Variants in MAF observed in about 807,000 individuals in gnomAD.
MAF encodes the protein transcription factor Maf.
MAF carries 10 observed loss-of-function variants against 22.0 expected under a neutral mutation model. That is an observed-to-expected ratio of 0.45 (90% CI 0.28 to 0.77). The LOEUF (loss-of-function observed/expected upper bound fraction) is 0.77. MAF is among the 30% of genes least tolerant of loss of function. The pLI, the probability that MAF is intolerant of heterozygous loss-of-function variation, is 0.12. For synonymous variants in MAF, 337 were observed against 255.8 expected, an observed-to-expected ratio of 1.32 and a Z score of -3.03; for missense variants, 544 against 548.4, an observed-to-expected ratio of 0.99 and a Z score of 0.08.
At chr16:79,595,579 A>G in intron 1 of MAF, 1 of 1,059,722 alleles carries the variant, frequency 9.4e-7, no homozygotes, top group Non-Finnish European at 1.1e-6. Flanking sequence ...AATTTGTGTC[A>G]TTTAAAAATA....
the MAF span, among the ~76,000 whole-genome samples, chr16:79,412,999 C>T: frequency 1.3e-5 from 2 of 152,166 alleles, no homozygotes; most frequent in African/African-American, 2.4e-5. Flanking sequence ...CCTGTAAAAA[C>T]ACAAGTGACA....
chr16:79,414,532 G>A, the MAF span, among the ~76,000 whole-genome samples: 10 of 152,250 alleles, frequency 6.6e-5, no homozygotes, highest in South Asian at 2.1e-4. Context: ...CTGTCACCAG[G>A]CCCCACCTCC....
the MAF span, among the ~76,000 whole-genome samples, chr16:79,208,730 T>C: frequency 1.3e-5 from 2 of 152,170 alleles, no homozygotes. Flanking sequence ...CTTATTCTGA[T>C]GATATGTAGG....
chr16:79,426,154 C>T, the MAF span, among the ~76,000 whole-genome samples: 2 of 151,240 alleles, frequency 1.3e-5, no homozygotes, highest in African/African-American at 2.4e-5. Flanking sequence ...TATAGGGAGC[C>T]GAGATCGTGC....
chr16:79,509,583 G>C, the MAF span, among the ~76,000 whole-genome samples: 1 of 152,238 alleles, frequency 6.6e-6, no homozygotes, highest in Non-Finnish European at 1.5e-5. Context: ...TTCCTGGCTG[G>C]AGAGGGCCGG....
chr16:79,384,181 C>T, the MAF span, among the ~76,000 whole-genome samples: 3 of 152,112 alleles, frequency 2.0e-5, no homozygotes, highest in South Asian at 2.1e-4. Context: ...TGGTGACTCA[C>T]GCTTGTAATC....
At chr16:79,292,087 T>C in the MAF span, among the ~76,000 whole-genome samples, 1,097 of 152,086 alleles carry the variant, frequency 7.2e-3, 10 homozygotes, top group Non-Finnish European at 0.012. Context: ...AAGAAGACAC[T>C]GGGACAAGGT....
the MAF span, among the ~76,000 whole-genome samples, chr16:79,243,026 G>A: frequency 6.6e-6 from 1 of 152,066 alleles, no homozygotes; most frequent in South Asian, 2.1e-4. Flanking sequence ...CAAAGTACCA[G>A]AGTCTCTGGG....
At chr16:79,419,114 C>A in the MAF span, among the ~76,000 whole-genome samples, 1 of 152,144 alleles carries the variant, frequency 6.6e-6, no homozygotes, top group Admixed American at 6.5e-5. Context: ...ATTAACTTCC[C>A]CCCTCAGGAA....
chr16:79,479,562 C>G, the MAF span, among the ~76,000 whole-genome samples: 3 of 152,218 alleles, frequency 2.0e-5, no homozygotes, highest in East Asian at 5.8e-4. Context: ...TCCCTGCTGA[C>G]AGCGGGAATC....
the MAF span, among the ~76,000 whole-genome samples, chr16:79,469,817 G>C: frequency 1.3e-5 from 2 of 151,930 alleles, no homozygotes; most frequent in Non-Finnish European, 2.9e-5. Flanking sequence ...GGCTGGTCTC[G>C]AACTCCTGAC....
At chr16:79,461,164 T>G in the MAF span, among the ~76,000 whole-genome samples, 1 of 152,254 alleles carries the variant, frequency 6.6e-6, no homozygotes, top group South Asian at 2.1e-4. Context: ...GTGTTGAATG[T>G]CATTCATCAC....
chr16:79,306,734 G>A, the MAF span, among the ~76,000 whole-genome samples: 1 of 152,128 alleles, frequency 6.6e-6, no homozygotes. Flanking sequence ...CTTATCTTGG[G>A]CTGGGCAATC....
At chr16:79,205,602 G>GA in the MAF span, 1 of 152,140 alleles carries the variant, frequency 6.6e-6, no homozygotes, top group South Asian at 2.1e-4. Flanking sequence ...TTCTTTTTGG[G>GA]AAATTGAGTG....
Position 79,594,145 on chromosome 16 carries a change from TTA to T in MAF, c.*313_*314del. The T allele has an allele frequency of 3.0e-6, 1 of 328,920 alleles. No individual in the cohort carries two copies. Among genetic ancestry groups the T allele is most frequent in the Non-Finnish European group, 5.7e-6 (1 of 176,000 alleles). 20.4% of individuals were successfully genotyped at this position (328,920 alleles called of 1,614,324 possible). A position where few individuals can be genotyped will look rare whatever the true frequency, so the allele number is the denominator to read the frequency against. ...TTGTTGCATTCCGGGAAACTTTCCA[TTA>T]TATATATGCATATATATGTATCTTT... On this transcript the variant is annotated 3_prime_UTR_variant, in exon 2 of 2. Transcript: ENST00000326043.
chr16:79,359,869 G>T, the MAF span, among the ~76,000 whole-genome samples: 6 of 152,308 alleles, frequency 3.9e-5, no homozygotes, highest in South Asian at 1.0e-3. Context: ...ATGTGCAACA[G>T]CTGGGAAGTG....
At chr16:79,252,024 G>A in the MAF span, among the ~76,000 whole-genome samples, 2 of 152,242 alleles carry the variant, frequency 1.3e-5, no homozygotes, top group African/African-American at 4.8e-5. Flanking sequence ...CCTGCAAATA[G>A]CATCCTTTGG....
the MAF span, among the ~76,000 whole-genome samples, chr16:79,389,743 G>A: frequency 2.0e-5 from 3 of 151,866 alleles, no homozygotes; most frequent in East Asian, 1.9e-4. Flanking sequence ...TTGGGAGCCC[G>A]ACGCGGGCGG....
Position 79,599,547 on chromosome 16 carries a change from C to G in MAF, c.356G>C (p.Ser119Thr). ...SPEDAVEALI[S>T]NSHQLQGGFD... is the part of the protein sequence containing the mutation. ...GCCGCCCTGGAGCTGGTGGCTGTTG[C>G]TGATGAGCGCCTCGACCGCGTCCTC... Residue 119 changes from serine (S) to threonine (T), a missense_variant, in exon 1 of 2, where the codon AGC (serine) becomes ACC (threonine). By Grantham distance (58) the Ser-to-Thr change is moderately conservative. This residue lies in a region of MAF where 342 missense variants were observed against 315.5 expected (regional missense o/e 1.08). Coordinates refer to ENST00000326043, the MANE Select transcript of MAF (RefSeq NM_005360.5). The G allele has an allele frequency of 6.4e-7, 1 of 1,571,800 alleles. No individual in the cohort carries two copies. Among genetic ancestry groups the G allele is most frequent in the Non-Finnish European group, 8.6e-7 (1 of 1,159,106 alleles).
Sources: gnomAD v4.1 joint callset for allele counts (sites outside exome capture counted in the v4.1 genomes callset) on GRCh38, gnomAD v4.1.1 for gene constraint, gnomAD v4.1.1 regional missense constraint, MANE v1.5 for transcripts, NCBI Gene and HGNC (gene_info 2026-07-23, HGNC 2026-07-21) for gene names.